Variants in GLS2 observed in about 807,000 individuals in gnomAD.
GLS2 encodes glutaminase liver isoform, mitochondrial.
GLS2 carries 52 observed loss-of-function variants against 79.0 expected under a neutral mutation model. That is an observed-to-expected ratio of 0.66 (90% CI 0.53 to 0.83). The LOEUF (loss-of-function observed/expected upper bound fraction) is 0.83, where lower values mean the gene tolerates loss of function less well. GLS2 is among the 40% of genes least tolerant of loss of function. The pLI, the probability that GLS2 is intolerant of heterozygous loss-of-function variation, is 0.00. For missense variants in GLS2, 561 were observed against 764.8 expected, an observed-to-expected ratio of 0.73 and a Z score of 3.14; for synonymous variants, 238 against 280.8, an observed-to-expected ratio of 0.85 and a Z score of 1.52.
intron 1 of GLS2, among the ~76,000 whole-genome samples, chr12:56,481,298 T>C (rs893274442): frequency 1.1e-4 from 15 of 142,662 alleles, no homozygotes; most frequent in African/African-American, 3.6e-4. Flanking sequence ...CTCCGCCTCC[T>C]GGGTTCAAGC....
At chr12:56,475,545 C>T (rs1869730654) in intron 9 of GLS2, 79 bp downstream of exon 9, 1 of 1,433,822 alleles carries the variant, frequency 7.0e-7, no homozygotes, top group African/African-American at 1.4e-5. Context: ...TTCTCTCTCC[C>T]CCATTCCTCT....
chr12:56,480,519 C>T, intron 1 of GLS2, 132 bp from the exon 2 acceptor site: 1 of 687,506 alleles, frequency 1.5e-6, no homozygotes. Flanking sequence ...TCTGATCTAT[C>T]CCTATAAATC....
In GLS2 at chr12:56,473,314, C is replaced by T. The variant is rs1412144348; in HGVS notation, c.1363G>A (p.Val455Met). The change falls in exon 14 of 18, where the codon GTG (valine) becomes ATG (methionine). Residue 455 changes from valine to methionine, a missense_variant. Val to Met is a conservative substitution (Grantham distance 21). Coordinates refer to ENST00000311966, the MANE Select transcript of GLS2 (RefSeq NM_013267.4). ...HRGTSFCQKL[V>M]SLFNFHNYDN... ...TAGTTGTGGAAATTGAAGAGAGACACCAACTTCTAGAATTGTAAGCCAAAT... is the reference window on the plus strand; with the variant it reads ...TAGTTGTGGAAATTGAAGAGAGACATCAACTTCTAGAATTGTAAGCCAAAT... The T allele has an allele frequency of 6.2e-7, 1 of 1,613,940 alleles. No homozygotes were observed. Among genetic ancestry groups the T allele is most frequent in the African/African-American group, 1.3e-5 (1 of 74,888 alleles).
At chr12:56,472,971 C>T in intron 14 of GLS2, 1 of 569,608 alleles carries the variant, frequency 1.8e-6, no homozygotes, top group Non-Finnish European at 3.1e-6. Flanking sequence ...CTCACTGCAA[C>T]CTCTGCCTCC....
chr12:56,483,005 G>C (rs1870412267), intron 1 of GLS2, among the ~76,000 whole-genome samples: 2 of 152,044 alleles, frequency 1.3e-5, no homozygotes, highest in South Asian at 2.1e-4. Flanking sequence ...TTATTCTACA[G>C]GTATACTCAC....
chr12:56,475,340 T>A, intron 9 of GLS2: 1 of 1,168,854 alleles, frequency 8.6e-7, no homozygotes, highest in Non-Finnish European at 1.2e-6. Context: ...TCTAGTCATC[T>A]AGGAAAACTG....
In GLS2 at chr12:56,477,464, C is replaced by T. The variant is rs569042052; in HGVS notation, c.837+196G>A. 11 of 536,430 alleles carry T rather than the reference C, an allele frequency of 2.1e-5. 1 individual carries two copies. Among genetic ancestry groups the T allele is most frequent in the East Asian group, 9.2e-5 (3 of 32,700 alleles). 33.2% of individuals were successfully genotyped at this position (536,430 alleles called of 1,614,324 possible). On this transcript the variant is annotated intron_variant, in intron 7 of 17. Coordinates refer to ENST00000311966, the MANE Select transcript of GLS2 (RefSeq NM_013267.4). ...AGGGAACAGTACTGAGTGGGGATGA[C>T]GGAGGTGGTGCAGTCTCTTATACTG...
At chr12:56,487,653 CCAAG>C (rs1379593705) in intron 1 of GLS2, 2 of 501,170 alleles carry the variant, frequency 4.0e-6, no homozygotes, top group Non-Finnish European at 7.0e-6. Context: ...GACACGTGAG[CCAAG>C]CAACACTCGG....
chr12:56,472,397 C>T lies in GLS2; in HGVS notation c.1512-202G>A, dbSNP rs533390998. 4 of 610,980 alleles carry T rather than the reference C, an allele frequency of 6.5e-6. No individual in the cohort carries two copies. In the East Asian group the frequency reaches 1.1e-4, roughly 17 times the overall value. The allele number at this position is 610,980 out of a possible 1,614,324, so 37.8% of individuals were successfully genotyped here. ...TAGAGAGATGGGAATGTGATCCTTC[C>T]AGAAATATCACTCACTGCCTACCTG... On this transcript the variant is annotated intron_variant, in intron 15 of 17. Transcript: ENST00000311966.
chr12:56,480,211 A>G, intron 2 of GLS2, 77 bp downstream of exon 2: 4 of 1,270,564 alleles, frequency 3.1e-6, no homozygotes, highest in Non-Finnish European at 4.5e-6. Context: ...GCTGCCCTGC[A>G]CTTGTCATAC....
At chr12:56,474,797 G>T in intron 11 of GLS2, 49 bp downstream of exon 11, 1 of 1,612,838 alleles carries the variant, frequency 6.2e-7, no homozygotes, top group Non-Finnish European at 8.5e-7. Flanking sequence ...AAGGGCAAGG[G>T]CAAGGACAGT....
At position 56,472,368 on chromosome 12, in the gene GLS2, A is replaced by G. The variant is rs1869362227; in HGVS notation, c.1512-173T>C. On this transcript the variant is annotated intron_variant, in intron 15 of 17. Coordinates refer to ENST00000311966, the MANE Select transcript of GLS2 (RefSeq NM_013267.4). ...ATATCCAGATGAGACTGTTATACTC[A>G]TATTAGAGAGATGGGAATGTGATCC... The G allele has an allele frequency of 1.4e-5, 9 of 622,980 alleles. No homozygotes were observed. In the East Asian group the frequency reaches 1.6e-4, roughly 11 times the overall value. 38.6% of individuals were successfully genotyped at this position (622,980 alleles called of 1,614,324 possible). A position where few individuals can be genotyped will look rare whatever the true frequency, so the allele number is the denominator to read the frequency against.
Position 56,478,876 on chromosome 12 carries a change from C to T in GLS2, c.534+176G>A, listed in dbSNP as rs182475303. The T allele has an allele frequency of 3.5e-4, 251 of 712,980 alleles. 1 individual carries two copies. In the African/African-American group the frequency reaches 4.0e-3, roughly 11 times the overall value. The allele number at this position is 712,980 out of a possible 1,614,324, so 44.2% of individuals were successfully genotyped here. A position where few individuals can be genotyped will look rare whatever the true frequency, so the allele number is the denominator to read the frequency against. On this transcript the variant is annotated intron_variant, in intron 4 of 17. Coordinates refer to ENST00000311966, the MANE Select transcript of GLS2 (RefSeq NM_013267.4). ...GGCATGGTGGTGTATGCCAGCTACT[C>T]GGGAGGCTGAGACAGGAGAATCGCT...
intron 7 of GLS2, 44 bp from the exon 8 acceptor site, chr12:56,476,021 A>G (rs2136184723): frequency 6.3e-7 from 1 of 1,589,910 alleles, no homozygotes; most frequent in East Asian, 2.2e-5. Context: ...GTGTAGGAGG[A>G]TGACAGAGGG....
rs777024448 is a variant in GLS2, at chr12:56,474,753, G to A, written c.1048-33C>T. 34 of 1,610,306 alleles carry A rather than the reference G, an allele frequency of 2.1e-5. No individual in the cohort carries two copies. In the East Asian group the frequency reaches 3.6e-4, roughly 17 times the overall value. On this transcript the variant is annotated intron_variant, in intron 11 of 17. Coordinates refer to ENST00000311966, the MANE Select transcript of GLS2 (RefSeq NM_013267.4). Reference sequence around the variant, plus strand: ...AACAAAGAATAGGTGAAGATGTGACGTGAACCTGCACATGGGACCCTCGGG... The same window carrying A: ...AACAAAGAATAGGTGAAGATGTGACATGAACCTGCACATGGGACCCTCGGG...
intron 15 of GLS2, chr12:56,472,440 A>G: frequency 5.0e-6 from 3 of 604,240 alleles, no homozygotes; most frequent in Non-Finnish European, 8.7e-6. Context: ...TGCCCATTTG[A>G]GGCAGGGTAC....
chr12:56,474,275 G>A, intron 12 of GLS2: 1 of 427,542 alleles, frequency 2.3e-6, no homozygotes, highest in South Asian at 2.1e-5. Context: ...ATTTAGTAGA[G>A]ATGGGGTTTC....
intron 14 of GLS2, 91 bp downstream of exon 14, chr12:56,473,137 C>T (rs1869462321): frequency 1.5e-5 from 18 of 1,170,962 alleles, no homozygotes; most frequent in Non-Finnish European, 2.1e-5. Context: ...GATCCGCCCG[C>T]CTTGGCCTCT....
At position 56,471,017 on chromosome 12, in the gene GLS2, C is replaced by A; in HGVS notation, c.*470G>T. On this transcript the variant is annotated 3_prime_UTR_variant, in exon 18 of 18. Transcript: ENST00000311966. ...CTCTGTCTATAAAATTGGCTGTTAGCAGTAGCAGCAGCATGTCCTGGCCAA... is the reference window on the plus strand; with the variant it reads ...CTCTGTCTATAAAATTGGCTGTTAGAAGTAGCAGCAGCATGTCCTGGCCAA... The A allele has an allele frequency of 4.3e-6, 1 of 233,218 alleles. No individual in the cohort carries two copies. Among genetic ancestry groups the A allele is most frequent in the Non-Finnish European group, 8.3e-6 (1 of 121,074 alleles). The allele number at this position is 233,218 out of a possible 1,614,324, so 14.4% of individuals were successfully genotyped here.
Sources: allele counts gnomAD v4.1 joint callset (sites outside exome capture counted in the v4.1 genomes callset), GRCh38; gene constraint gnomAD v4.1.1; transcripts MANE v1.5; gene names NCBI Gene and HGNC (gene_info 2026-07-23, HGNC 2026-07-21).